Variants in KIF20B observed in about 807,000 individuals in gnomAD.
KIF20B encodes kinesin family member 20B, also known as kinesin-like protein KIF20B.
KIF20B carries 188 observed loss-of-function variants against 232.5 expected under a neutral mutation model. That is an observed-to-expected ratio of 0.81 (90% CI 0.72 to 0.91). The LOEUF (loss-of-function observed/expected upper bound fraction) is 0.91, where lower values mean the gene tolerates loss of function less well. Ranked by LOEUF, KIF20B falls within the 40% of genes least tolerant of loss-of-function variation. KIF20B has a pLI of 0.00. For missense variants in KIF20B, 2,154 were observed against 2,055.9 expected, an observed-to-expected ratio of 1.05 and a Z score of -0.92; for synonymous variants, 712 against 683.0, an observed-to-expected ratio of 1.04 and a Z score of -0.66.
chr10:89,724,861 C>G (rs544815916), intron 14 of KIF20B, among the ~76,000 whole-genome samples, 159 bp from the exon 15 acceptor site: 4 of 152,222 alleles, frequency 2.6e-5, no homozygotes, highest in African/African-American at 9.6e-5. Flanking sequence ...GTGATCCACC[C>G]GCCTCCGCCT....
chr10:89,754,982 C>G (rs1481082041), intron 26 of KIF20B, among the ~76,000 whole-genome samples: 1 of 152,184 alleles, frequency 6.6e-6, no homozygotes, highest in Non-Finnish European at 1.5e-5. Context: ...AAACTTTCTG[C>G]ATTTTGAACT....
chr10:89,768,429 C>A (rs1312273327), intron 30 of KIF20B, 38 bp downstream of exon 30: 2 of 1,181,520 alleles, frequency 1.7e-6, no homozygotes, highest in African/African-American at 3.1e-5. Flanking sequence ...TAGCAATTAT[C>A]CAGAAATCCA....
chr10:89,768,979 G>A, intron 31 of KIF20B, 91 bp downstream of exon 31: 2 of 1,063,630 alleles, frequency 1.9e-6, no homozygotes, highest in South Asian at 1.6e-5. Context: ...CAGCTGTTCA[G>A]GGAATATTAT....
intron 16 of KIF20B, among the ~76,000 whole-genome samples, chr10:89,727,259 C>T (rs34733150): frequency 2.6e-4 from 30 of 114,194 alleles, no homozygotes; most frequent in African/African-American, 5.6e-4. Context: ...CTTCCCCCCC[C>T]CTTTTTTTTT....
At chr10:89,748,014 CTT>C (rs1486913179) in intron 23 of KIF20B, among the ~76,000 whole-genome samples, 2 of 152,076 alleles carry the variant, frequency 1.3e-5, no homozygotes, top group African/African-American at 4.8e-5. Flanking sequence ...TACAAAATTA[CTT>C]TTTTCTTTTT....
chr10:89,755,904 A>C (rs1842110352), intron 26 of KIF20B, among the ~76,000 whole-genome samples: 1 of 152,170 alleles, frequency 6.6e-6, no homozygotes, highest in South Asian at 2.1e-4. Context: ...ACCCGGCCTG[A>C]AATGTTAATT....
rs116097649 is a variant in KIF20B at position 89,740,619 on chromosome 10, G to A, written c.3915+1523G>A. ...GCCTCCACTCAAAGCTATTTCATTA[G>A]CATAAATTCAGGTGTGATTAAAAGG... On this transcript the variant is annotated intron_variant, in intron 21 of 32. Transcript: ENST00000371728. Among the ~76,000 whole-genome samples, 459 of 152,184 alleles carry A rather than the reference G, an allele frequency of 3.0e-3. 3 individuals carry two copies. The highest frequency in any genetic ancestry group is 0.01 in the African/African-American group (429 of 41,514).
intron 29 of KIF20B, among the ~76,000 whole-genome samples, chr10:89,767,785 A>G (rs1330459821): frequency 3.9e-5 from 6 of 152,086 alleles, no homozygotes; most frequent in Non-Finnish European, 4.4e-5. Flanking sequence ...GATATTGTCA[A>G]ATGTCAATGA....
chr10:89,749,191 T>G (rs912218711), intron 23 of KIF20B, among the ~76,000 whole-genome samples: 1 of 152,172 alleles, frequency 6.6e-6, no homozygotes, highest in Non-Finnish European at 1.5e-5. Flanking sequence ...TTAAAATTAT[T>G]TTTTCCTTTA....
chr10:89,772,820 T>G lies in KIF20B; in HGVS notation c.5374T>G (p.Ser1792Ala). The G allele has an allele frequency of 6.2e-7, 1 of 1,607,854 alleles. No individual in the cohort carries two copies. The highest frequency in any genetic ancestry group is 8.5e-7 in the Non-Finnish European group (1 of 1,177,332). ...TGAAATTTCATCTCCTATTGATATA[T>G]CAGGCCAAGTGGTAAGCTAGTATTT... ...TSEISSPIDI[S>A]GQVILMDQKM... Residue 1792 changes from serine to alanine, a missense_variant, in exon 32 of 33, where the codon TCA (serine) becomes GCA (alanine). Coordinates refer to ENST00000371728, the MANE Select transcript of KIF20B (RefSeq NM_001284259.2).
chr10:89,748,502 G>C (rs770726651), intron 23 of KIF20B, among the ~76,000 whole-genome samples: 17 of 152,104 alleles, frequency 1.1e-4, no homozygotes, highest in Admixed American at 5.9e-4. Flanking sequence ...CAAAAGAAAG[G>C]GTAACACAAC....
Position 89,772,932 on chromosome 10 carries a change from AT to A in KIF20B, c.5385+102del, listed in dbSNP as rs1842495247. The A allele has an allele frequency of 3.9e-6, 4 of 1,024,636 alleles. No homozygotes were observed. The Admixed American group carries it at 1.0e-4, about 26-fold the overall frequency. The allele number at this position is 1,024,636 out of a possible 1,614,324, so 63.5% of individuals were successfully genotyped here. A position where few individuals can be genotyped will look rare whatever the true frequency, so the allele number is the denominator to read the frequency against. ...CAATTCTTTAGATCTCTGAAAACAC[AT>A]GCTATAAAGGTCATGCTTTTAGTCT... On this transcript the variant is annotated intron_variant, in intron 32 of 32. Transcript: ENST00000371728.
At position 89,711,061 on chromosome 10, in the gene KIF20B, A is replaced by T. The variant is rs376008434; in HGVS notation, c.591A>T (p.Arg197Ser). 6.2e-7 allele frequency: 1 copy of T among 1,607,976 alleles called. No homozygotes were observed. The highest frequency in any genetic ancestry group is 8.5e-7 in the Non-Finnish European group (1 of 1,176,298). ...CAAAGATGAACCTTAAACCACATAG[A>T]TCCAGAGAATACTTAAGGTTATCAT... ...LYTKMNLKPH[R>S]SREYLRLSSE... The change falls in exon 6 of 33, where the codon AGA becomes AGT. Residue 197 changes from arginine to serine, a missense_variant. Coordinates refer to ENST00000371728, the MANE Select transcript of KIF20B (RefSeq NM_001284259.2).
intron 1 of KIF20B, 185 bp downstream of exon 1, chr10:89,701,865 G>T (rs1481748179): frequency 2.6e-5 from 4 of 152,254 alleles, no homozygotes; most frequent in Admixed American, 2.6e-4. Flanking sequence ...AGCGAGGAAT[G>T]AGTCATACTA....
At position 89,754,634 on chromosome 10, in the gene KIF20B, T is replaced by C; in HGVS notation, c.4464T>C (p.Ala1488=). 1 of 1,600,594 alleles carries C rather than the reference T, an allele frequency of 6.2e-7. No homozygotes were observed. The highest frequency in any genetic ancestry group is 8.5e-7 in the Non-Finnish European group (1 of 1,174,276). The change falls in exon 26 of 33, where the codon GCT becomes GCC. Residue 1488 remains alanine, a synonymous_variant. Transcript: ENST00000371728. ...NIRNKEMKKY[A]EDRERFFKQQ... ...GAAATAAAGAGATGAAAAAATATGCTGAGGACAGGGAGCGTTTTTTTAAGC... is the reference window on the plus strand; with the variant it reads ...GAAATAAAGAGATGAAAAAATATGCCGAGGACAGGGAGCGTTTTTTTAAGC...
At chr10:89,751,201 GC>G (rs1842015069) in intron 23 of KIF20B, 144 bp from the exon 24 acceptor site, 3 of 588,008 alleles carry the variant, frequency 5.1e-6, no homozygotes, top group Non-Finnish European at 2.9e-6. Context: ...TGAGGATATT[GC>G]GATGAATAAG....
At chr10:89,769,457 G>A (rs1334322028) in intron 31 of KIF20B, among the ~76,000 whole-genome samples, 2 of 151,572 alleles carry the variant, frequency 1.3e-5, no homozygotes, top group Non-Finnish European at 1.5e-5. Context: ...ACAAAATAAG[G>A]TGGGTTGGAC....
chr10:89,734,046 C>G (rs907646966), intron 19 of KIF20B, among the ~76,000 whole-genome samples: 2 of 151,234 alleles, frequency 1.3e-5, no homozygotes, highest in Non-Finnish European at 2.9e-5. Flanking sequence ...TATAGTGATT[C>G]TTGGGTGGGG....
In KIF20B at chr10:89,774,019, C is replaced by T. The variant is rs778476119; in HGVS notation, c.5434C>T (p.Arg1812Ter). The T allele has an allele frequency of 1.9e-6, 3 of 1,589,900 alleles. No individual in the cohort carries two copies. Among genetic ancestry groups the T allele is most frequent in the Admixed American group, 1.7e-5 (1 of 58,420 alleles). The change falls in exon 33 of 33, where the codon CGA (arginine) becomes TGA (stop). Residue 1812 changes from arginine to a stop codon, truncating the protein, a stop_gained. Coordinates refer to ENST00000371728, the MANE Select transcript of KIF20B (RefSeq NM_001284259.2). LOFTEE classifies it high-confidence loss of function. ...GGAGAGTGATCACCAGATTATCAAACGACGACTTCGAACAAAAACAGCCAA... is the reference window on the plus strand; with the variant it reads ...GGAGAGTGATCACCAGATTATCAAATGACGACTTCGAACAAAAACAGCCAA... ...MKESDHQIIK[R>*]RLRTKTAK
Sources: gnomAD v4.1 joint callset for allele counts (sites outside exome capture counted in the v4.1 genomes callset) on GRCh38, gnomAD v4.1.1 for gene constraint, MANE v1.5 for transcripts, NCBI Gene and HGNC (gene_info 2026-07-23, HGNC 2026-07-21) for gene names.